Variants in FRYL observed in about 807,000 individuals in gnomAD.
The protein encoded by FRYL is protein furry homolog-like.
FRYL carries 150 observed loss-of-function variants against 351.2 expected under a neutral mutation model. The ratio of observed to expected loss-of-function variants is 0.43; its 90% CI spans 0.37 to 0.49. FRYL has a LOEUF of 0.49. Ranked by LOEUF, FRYL falls within the 20% of genes least tolerant of loss-of-function variation. The probability of loss-of-function intolerance (pLI) is 0.00; values close to 1 mark genes in which losing one functional copy is unlikely to be tolerated. For missense variants in FRYL, 3,036 were observed against 3,619.3 expected, an observed-to-expected ratio of 0.84 and a Z score of 4.13; for synonymous variants, 1,153 against 1,257.1, an observed-to-expected ratio of 0.92 and a Z score of 1.75.
chr4:48,705,393 C>T lies in FRYL; in HGVS notation c.-204+5126G>A, dbSNP rs150488092. 2.0e-5 allele frequency among the ~76,000 whole-genome samples: 3 copies of T among 151,106 alleles called. No homozygotes were observed. In the East Asian group the frequency reaches 5.8e-4, roughly 29 times the overall value. ...GGTTAAATAAACTATGGCACATTCA[C>T]CCAATGGGTTATTATATAGCTATAA... On this transcript the variant is annotated intron_variant, in intron 2 of 63. Coordinates refer to ENST00000358350, the MANE Select transcript of FRYL (RefSeq NM_015030.2).
At position 48,549,655 on chromosome 4, in the gene FRYL, C is replaced by T. The variant is rs370241076; in HGVS notation, c.4634-32G>A. The stretch of plus-strand genomic sequence containing the variant: ...AGATAAAATGATCTCATTTTCTACA[C>T]CATCTAATTTCTGCCAATATAAGCA... On this transcript the variant is annotated intron_variant, in intron 38 of 63. Coordinates refer to ENST00000358350, the MANE Select transcript of FRYL (RefSeq NM_015030.2). This position sits in a 1 kb window ranked among gnomAD's most constrained non-coding sequence, Gnocchi z 4.2. 144 of 1,574,828 alleles carry T rather than the reference C, an allele frequency of 9.1e-5. No individual in the cohort carries two copies. Among genetic ancestry groups the T allele is most frequent in the Non-Finnish European group, 1.2e-4 (143 of 1,150,986 alleles).
intron 3 of FRYL, among the ~76,000 whole-genome samples, chr4:48,678,032 T>C (rs1487368444): frequency 6.6e-6 from 1 of 152,202 alleles, no homozygotes; most frequent in Non-Finnish European, 1.5e-5. Flanking sequence ...ATGTGTACAT[T>C]GGTATGAACC....
In FRYL at chr4:48,565,009, G is replaced by T. The variant is rs1169307710; in HGVS notation, c.3365C>A (p.Ala1122Glu). The T allele has an allele frequency of 1.9e-6, 3 of 1,607,206 alleles. No individual in the cohort carries two copies. The South Asian group carries it at 3.3e-5, about 18-fold the overall frequency. ...ATCTGATGAAAGTCCTACATTATCT[G>T]CAACAGGGCCACAACACAGTACAGC... is the stretch of plus-strand genomic sequence containing the variant. Reference protein sequence around the residue: ...MSAVLCCGPVADNVGLSSDGY... With the variant: ...MSAVLCCGPVEDNVGLSSDGY... Residue 1122 changes from alanine to glutamate, a missense_variant, in exon 30 of 64, where the codon GCA (alanine) becomes GAA (glutamate). Transcript: ENST00000358350.
chr4:48,634,533 A>G, intron 3 of FRYL, 43 bp from the exon 4 acceptor site: 1 of 1,493,474 alleles, frequency 6.7e-7, no homozygotes, highest in Non-Finnish European at 9.2e-7. Context: ...TAATAAATCA[A>G]CTCAAGAGGT....
intron 1 of FRYL, among the ~76,000 whole-genome samples, chr4:48,763,821 T>C (rs1277307080): frequency 6.6e-6 from 1 of 152,164 alleles, no homozygotes; most frequent in African/African-American, 2.4e-5. Flanking sequence ...TTTTAACGTA[T>C]ATAATCTTAT....
chr4:48,535,586 T>TAC (rs3838234), intron 48 of FRYL, 71 bp downstream of exon 48: 54,852 of 446,002 alleles, frequency 0.12, 866 homozygotes, highest in South Asian at 0.15. Context: ...TATATACACA[T>TAC]ACACACACAC....
chr4:48,713,156 A>C, intron 1 of FRYL, among the ~76,000 whole-genome samples: 1 of 152,246 alleles, frequency 6.6e-6, no homozygotes, highest in South Asian at 2.1e-4. Flanking sequence ...CGAGACTAGG[A>C]AGAAACTGCA....
chr4:48,537,300 T>C (rs572242723), intron 47 of FRYL, among the ~76,000 whole-genome samples: 8 of 152,278 alleles, frequency 5.3e-5, no homozygotes, highest in Admixed American at 2.0e-4. Context: ...AATTTTATAA[T>C]AGAACAAGTG....
intron 1 of FRYL, among the ~76,000 whole-genome samples, chr4:48,777,682 A>G (rs1776164926): frequency 1.3e-5 from 2 of 152,236 alleles, no homozygotes; most frequent in Non-Finnish European, 2.9e-5. Flanking sequence ...GTTCTCTTCT[A>G]AAAGTTGAGA....
intron 3 of FRYL, among the ~76,000 whole-genome samples, chr4:48,680,580 T>G (rs1303792332): frequency 1.3e-5 from 2 of 152,012 alleles, no homozygotes; most frequent in African/African-American, 4.8e-5. Context: ...TAAACAAAAT[T>G]TAAATGGTTT....
chr4:48,634,414 G>T lies in FRYL; in HGVS notation c.-4C>A. The T allele has an allele frequency of 6.2e-7, 1 of 1,612,696 alleles. No homozygotes were observed. The highest frequency in any genetic ancestry group is 8.5e-7 in the Non-Finnish European group (1 of 1,179,010). ...GGTCAATCGTAATGTTTGACATGAT[G>T]ATATTTTTTTTTCCCCAAGTGGAAT... On this transcript the variant is annotated 5_prime_UTR_variant, in exon 4 of 64. Transcript: ENST00000358350.
chr4:48,521,008 A>G (rs773720315), intron 55 of FRYL, 40 bp downstream of exon 55: 2 of 1,502,536 alleles, frequency 1.3e-6, no homozygotes, highest in South Asian at 1.4e-5. Flanking sequence ...TGCTAAAAAG[A>G]GCCCAGATTG....
In FRYL at chr4:48,606,088, T is replaced by C. The variant is rs1226032876; in HGVS notation, c.742-255A>G. 3.7e-5 allele frequency among the ~76,000 whole-genome samples: 4 copies of C among 108,842 alleles called. No homozygotes were observed. In the East Asian group the frequency reaches 1.0e-3, roughly 29 times the overall value. 71.4% of individuals were successfully genotyped at this position (108,842 alleles called of 152,430 possible). On this transcript the variant is annotated intron_variant, in intron 10 of 63. Coordinates refer to ENST00000358350, the MANE Select transcript of FRYL (RefSeq NM_015030.2). The stretch of plus-strand genomic sequence containing the variant: ...CTGGCCAACATGGTGAAATCCCGTC[T>C]CTACTAAAGAAAAAAAAAAAAAAAA...
intron 1 of FRYL, among the ~76,000 whole-genome samples, chr4:48,720,348 T>G (rs1769334495): frequency 6.6e-6 from 1 of 150,854 alleles, no homozygotes; most frequent in African/African-American, 2.4e-5. Context: ...ATACAAAAAA[T>G]TAATCAGGCA....
chr4:48,690,287 C>G (rs1003350537), intron 2 of FRYL, among the ~76,000 whole-genome samples: 1 of 151,966 alleles, frequency 6.6e-6, no homozygotes, highest in Admixed American at 6.6e-5. Flanking sequence ...AGCCTTCAAC[C>G]CTCAATAGAA....
At chr4:48,729,272 C>G (rs1421763967) in intron 1 of FRYL, among the ~76,000 whole-genome samples, 2 of 152,254 alleles carry the variant, frequency 1.3e-5, no homozygotes, top group African/African-American at 4.8e-5. Flanking sequence ...CTCAGCAAGG[C>G]CTACTGCCTC....
intron 1 of FRYL, among the ~76,000 whole-genome samples, chr4:48,729,286 A>G (rs1770457395): frequency 6.6e-6 from 1 of 152,250 alleles, no homozygotes; most frequent in Non-Finnish European, 1.5e-5. Context: ...CTGCCTCTCT[A>G]GATTCCACAT....
chr4:48,518,924 T>G (rs906640151), intron 55 of FRYL, among the ~76,000 whole-genome samples: 1 of 152,252 alleles, frequency 6.6e-6, no homozygotes, highest in African/African-American at 2.4e-5. Flanking sequence ...CAAAAGCCTT[T>G]GTCTGTGTCA....
At position 48,603,340 on chromosome 4, in the gene FRYL, T is replaced by G. The variant is rs1746073695; in HGVS notation, c.883A>C (p.Met295Leu). 2 of 1,612,838 alleles carry G rather than the reference T, an allele frequency of 1.2e-6. No individual in the cohort carries two copies. Among genetic ancestry groups the G allele is most frequent in the East Asian group, 4.5e-5 (2 of 44,810 alleles). ...NVPCLKNFVE[M>L]LYQTTFELSS... ...AGTTCAAAAGTAGTCTGATAAAGCA[T>G]CTCCACAAAATTTTTCAAACAGGGA... The change falls in exon 12 of 64, where the codon ATG becomes CTG. Residue 295 changes from methionine (M) to leucine (L), a missense_variant. Physicochemically the swap from Met to Leu is conservative, Grantham distance 15. This residue lies in a region of FRYL where 457 missense variants were observed against 566.6 expected (regional missense o/e 0.81). Transcript: ENST00000358350.
Sources: gnomAD v4.1 joint callset for allele counts (sites outside exome capture counted in the v4.1 genomes callset) on GRCh38, gnomAD v4.1.1 for gene constraint, gnomAD v4.1.1 regional missense constraint, Gnocchi (gnomAD v3.1) non-coding constraint, MANE v1.5 for transcripts, NCBI Gene and HGNC (gene_info 2026-07-23, HGNC 2026-07-21) for gene names.